The following ROBO2 variants were observed in gnomAD, a reference collection of about 807,000 sequenced individuals.
ROBO2 encodes the protein roundabout guidance receptor 2.
A neutral mutation model predicts 160.8 loss-of-function variants in ROBO2; 53 were observed. The ratio of observed to expected loss-of-function variants is 0.33; its 90% CI spans 0.26 to 0.41. The LOEUF is 0.41. Among genes scored for constraint, ROBO2 ranks in the 10% least tolerant of loss-of-function variants. The pLI, the probability that ROBO2 is intolerant of heterozygous loss-of-function variation, is 1.00. For missense variants in ROBO2, 1,577 were observed against 1,722.4 expected, an observed-to-expected ratio of 0.92 and a Z score of 1.49; for synonymous variants, 664 against 611.7, an observed-to-expected ratio of 1.09 and a Z score of -1.26.
At chr3:77,598,334 G>C (rs2094352022) in intron 19 of ROBO2, among the ~76,000 whole-genome samples, 1 of 151,322 alleles carries the variant, frequency 6.6e-6, no homozygotes. Flanking sequence ...CATTCTGTCA[G>C]TACCAACTAT....
chr3:76,535,963 C>T (rs1228033021), intron 2 of ROBO2, among the ~76,000 whole-genome samples: 1 of 152,158 alleles, frequency 6.6e-6, no homozygotes, highest in Non-Finnish European at 1.5e-5. Context: ...GAGCTTTGAG[C>T]TGGAGCTCCA....
chr3:77,116,960 A>G (rs1247391753), intron 2 of ROBO2, among the ~76,000 whole-genome samples: 1 of 152,190 alleles, frequency 6.6e-6, no homozygotes, highest in East Asian at 1.9e-4. Context: ...CAACAATAAC[A>G]TGCTCAGCTA....
At chr3:76,830,635 T>C (rs1020990302) in intron 2 of ROBO2, among the ~76,000 whole-genome samples, 1 of 152,028 alleles carries the variant, frequency 6.6e-6, no homozygotes, top group Non-Finnish European at 1.5e-5. Flanking sequence ...CATGTTGTTT[T>C]ATTTCTCCAC....
chr3:76,015,964 C>G (rs2107639877), intron 2 of ROBO2, among the ~76,000 whole-genome samples: 1 of 152,270 alleles, frequency 6.6e-6, no homozygotes, highest in South Asian at 2.1e-4. Context: ...TTCCTCTTCA[C>G]AGAATGGGAT....
chr3:76,154,422 T>C (rs1277233770), intron 2 of ROBO2, among the ~76,000 whole-genome samples: 3 of 152,074 alleles, frequency 2.0e-5, no homozygotes, highest in Non-Finnish European at 2.9e-5. Context: ...GATAGAAAAG[T>C]TCACGAGAGC....
chr3:76,996,829 G>C (rs1000807131), intron 2 of ROBO2, among the ~76,000 whole-genome samples: 1 of 152,052 alleles, frequency 6.6e-6, no homozygotes, highest in Non-Finnish European at 1.5e-5. Flanking sequence ...CTATTTTGGT[G>C]GCTTCTGGGT....
intron 2 of ROBO2, among the ~76,000 whole-genome samples, chr3:76,915,219 G>C (rs937611484): frequency 2.0e-5 from 3 of 152,098 alleles, no homozygotes; most frequent in Non-Finnish European, 4.4e-5. Context: ...TATTCCCCGT[G>C]CTTAGCCATG....
chr3:76,398,788 A>G (rs890093817), intron 2 of ROBO2, among the ~76,000 whole-genome samples: 5 of 152,002 alleles, frequency 3.3e-5, no homozygotes, highest in African/African-American at 1.2e-4. Flanking sequence ...ATATGCTATT[A>G]GTTTAGTATA....
intron 2 of ROBO2, among the ~76,000 whole-genome samples, chr3:76,798,208 A>G (rs1243324468): frequency 6.7e-6 from 1 of 150,336 alleles, no homozygotes; most frequent in Non-Finnish European, 1.5e-5. Flanking sequence ...AAAGAAAGAG[A>G]AAGAGAAAAA....
intron 2 of ROBO2, among the ~76,000 whole-genome samples, chr3:76,714,141 A>G (rs2093343754): frequency 6.6e-6 from 1 of 152,072 alleles, no homozygotes. Flanking sequence ...CTTGTGTAGA[A>G]ATCTTCCATA....
chr3:77,314,915 C>T (rs140073735), intron 2 of ROBO2, among the ~76,000 whole-genome samples: 56 of 152,266 alleles, frequency 3.7e-4, no homozygotes, highest in African/African-American at 1.3e-3. Context: ...ATTTCAGTAG[C>T]ATGTTTTCTC....
chr3:77,370,677 C>T (rs530698872), intron 2 of ROBO2, among the ~76,000 whole-genome samples: 15 of 152,160 alleles, frequency 9.9e-5, no homozygotes, highest in Non-Finnish European at 1.9e-4. Flanking sequence ...ATGGTTTTTC[C>T]GGTTTTAAAT....
chr3:77,546,644 G>T (rs891906482), intron 7 of ROBO2, among the ~76,000 whole-genome samples, 182 bp downstream of exon 8: 2 of 152,106 alleles, frequency 1.3e-5, no homozygotes, highest in African/African-American at 4.8e-5. Flanking sequence ...TTCTTTATTT[G>T]CTAGTATTAA....
At chr3:77,558,187 C>A in intron 9 of ROBO2, 38 bp downstream of exon 10, 1 of 1,520,660 alleles carries the variant, frequency 6.6e-7, no homozygotes, top group Non-Finnish European at 9.1e-7. Flanking sequence ...TTATCATCTA[C>A]ACATAAGTAC....
At chr3:77,063,762 C>G (rs375431145) in intron 1 of ROBO2, among the ~76,000 whole-genome samples, 2 of 152,278 alleles carry the variant, frequency 1.3e-5, no homozygotes, top group South Asian at 2.1e-4. Flanking sequence ...TTCAGCTCTT[C>G]TTTCTCTCTG....
chr3:76,206,677 T>C (rs941420845), intron 2 of ROBO2, among the ~76,000 whole-genome samples: 1 of 152,210 alleles, frequency 6.6e-6, no homozygotes, highest in East Asian at 1.9e-4. Flanking sequence ...ATTTCCTTCA[T>C]TGAGCTTTAC....
At chr3:77,616,802 A>C (rs987754444) in intron 21 of ROBO2, among the ~76,000 whole-genome samples, 2 of 152,210 alleles carry the variant, frequency 1.3e-5, no homozygotes, top group Admixed American at 1.3e-4. Context: ...CCCTAAAAAA[A>C]TATGGTTTTA....
At chr3:76,728,395 A>G (rs2093585241) in intron 2 of ROBO2, among the ~76,000 whole-genome samples, 1 of 152,188 alleles carries the variant, frequency 6.6e-6, no homozygotes, top group Admixed American at 6.5e-5. Flanking sequence ...AAATTGACCT[A>G]TTTCTTTTCC....
At chr3:76,331,230 C>T (rs2108026559) in intron 2 of ROBO2, among the ~76,000 whole-genome samples, 1 of 152,026 alleles carries the variant, frequency 6.6e-6, no homozygotes, top group East Asian at 1.9e-4. Flanking sequence ...TAAATACAAA[C>T]AATTGTATAT....
Sources: gnomAD v4.1 joint callset for allele counts (sites outside exome capture counted in the v4.1 genomes callset) on GRCh38, gnomAD v4.1.1 for gene constraint, MANE v1.5 for transcripts, NCBI Gene and HGNC (gene_info 2026-07-23, HGNC 2026-07-21) for gene names.